IL1RAPL2: variants seen among roughly 807,000 people sequenced by gnomAD.
The protein encoded by IL1RAPL2 is interleukin 1 receptor accessory protein like 2, also known as X-linked interleukin-1 receptor accessory protein-like 2.
A neutral mutation model predicts 44.1 loss-of-function variants in IL1RAPL2; 3 were observed. That is an observed-to-expected ratio of 0.07 (90% CI 0.03 to 0.18). The LOEUF (loss-of-function observed/expected upper bound fraction) is 0.18, where lower values mean the gene tolerates loss of function less well. IL1RAPL2 is among the 10% of genes least tolerant of loss of function. IL1RAPL2 has a pLI of 1.00. For synonymous variants in IL1RAPL2, 181 were observed against 178.8 expected, an observed-to-expected ratio of 1.01 and a Z score of -0.10; for missense variants, 391 against 496.4, an observed-to-expected ratio of 0.79 and a Z score of 2.02.
At chrX:105,578,536 A>T (rs1052045661) in intron 6 of IL1RAPL2, among the ~76,000 whole-genome samples, 1 of 111,412 alleles carries the variant, frequency 9.0e-6, no homozygotes, top group Non-Finnish European at 1.9e-5. Flanking sequence ...TCTGAATACC[A>T]AAGATAAGGA....
intron 6 of IL1RAPL2, among the ~76,000 whole-genome samples, chrX:105,507,666 C>T (rs974306524): frequency 9.0e-6 from 1 of 111,457 alleles, no homozygotes; most frequent in African/African-American, 3.3e-5. Flanking sequence ...TTTATCAATC[C>T]TACTCTTGAA....
In IL1RAPL2 at chrX:104,672,562, T is replaced by G. The variant is rs779468807; in HGVS notation, c.82+13567T>G. Among the ~76,000 whole-genome samples, 6 of 103,478 alleles carry G rather than the reference T, an allele frequency of 5.8e-5. No homozygotes were observed. In the South Asian group the frequency reaches 1.9e-3, roughly 33 times the overall value. 89.9% of individuals were successfully genotyped at this position (103,478 alleles called of 115,157 possible). A position where few individuals can be genotyped will look rare whatever the true frequency, so the allele number is the denominator to read the frequency against. On this transcript the variant is annotated intron_variant, in intron 2 of 10. Transcript: ENST00000372582. Reference sequence around the variant, plus strand: ...AATAATGCCGCAATAAACATACGTGTGCATGTGTCTTTATAGCAGCATGAT... The same window carrying G: ...AATAATGCCGCAATAAACATACGTGGGCATGTGTCTTTATAGCAGCATGAT...
intron 2 of IL1RAPL2, among the ~76,000 whole-genome samples, chrX:104,815,743 C>T (rs1921115006): frequency 9.1e-6 from 1 of 109,935 alleles, no homozygotes; most frequent in African/African-American, 3.3e-5. Context: ...TTAAACTTAC[C>T]CTTCTTTTCC....
intron 5 of IL1RAPL2, among the ~76,000 whole-genome samples, chrX:105,301,201 T>C (rs2034694942): frequency 8.9e-6 from 1 of 111,915 alleles, no homozygotes; most frequent in South Asian, 3.7e-4. Context: ...TTTGGTTTGA[T>C]TATTTGCATA....
At chrX:105,199,135 G>A (rs1362041479) in intron 3 of IL1RAPL2, among the ~76,000 whole-genome samples, 1 of 110,486 alleles carries the variant, frequency 9.1e-6, no homozygotes, top group African/African-American at 3.3e-5. Context: ...TTACTTATGT[G>A]TTCCATCATT....
At chrX:105,124,625 T>C (rs907632023) in intron 2 of IL1RAPL2, among the ~76,000 whole-genome samples, 1 of 110,739 alleles carries the variant, frequency 9.0e-6, no homozygotes, top group Non-Finnish European at 1.9e-5. Flanking sequence ...GGAATTTCCC[T>C]TAATGACATT....
chrX:104,785,445 C>A (rs896342674), intron 2 of IL1RAPL2, among the ~76,000 whole-genome samples: 2 of 111,562 alleles, frequency 1.8e-5, no homozygotes, highest in African/African-American at 6.5e-5. Flanking sequence ...GGTATAACAC[C>A]CCCATGTTAA....
intron 2 of IL1RAPL2, among the ~76,000 whole-genome samples, chrX:104,971,081 G>A (rs1358392582): frequency 8.9e-6 from 1 of 112,077 alleles, no homozygotes; most frequent in Non-Finnish European, 1.9e-5. Flanking sequence ...GGCATGGTGG[G>A]TGACACCTGT....
chrX:104,688,332 C>T (rs748131845), intron 2 of IL1RAPL2, among the ~76,000 whole-genome samples: 1 of 111,404 alleles, frequency 9.0e-6, no homozygotes, highest in Non-Finnish European at 1.9e-5. Context: ...TTATCAGGGC[C>T]TTTGATATGT....
chrX:105,437,025 GTA>G (rs71694806), intron 5 of IL1RAPL2, among the ~76,000 whole-genome samples: 557 of 90,883 alleles, frequency 6.1e-3, no homozygotes, highest in Middle Eastern at 0.019. Context: ...AAATATAAAC[GTA>G]TATATATATA....
intron 2 of IL1RAPL2, among the ~76,000 whole-genome samples, chrX:104,898,760 TC>T (rs1177486019): frequency 8.9e-6 from 1 of 112,475 alleles, no homozygotes; most frequent in East Asian, 2.8e-4. Context: ...CTGAACATTT[TC>T]TTTTGTTTCT....
At chrX:104,630,764 G>A (rs1929625977) in intron 1 of IL1RAPL2, among the ~76,000 whole-genome samples, 1 of 109,837 alleles carries the variant, frequency 9.1e-6, no homozygotes, top group Non-Finnish European at 1.9e-5. Context: ...TTTTAACAAT[G>A]TTAATTATTC....
intron 5 of IL1RAPL2, among the ~76,000 whole-genome samples, chrX:105,460,608 C>T (rs1470467944): frequency 8.1e-5 from 9 of 111,345 alleles, no homozygotes; most frequent in African/African-American, 2.6e-4. Flanking sequence ...GTGTAATGAG[C>T]TTCTTGTAAC....
intron 1 of IL1RAPL2, among the ~76,000 whole-genome samples, chrX:104,622,617 A>AG (rs1929421484): frequency 9.0e-6 from 1 of 110,928 alleles, no homozygotes; most frequent in Admixed American, 9.7e-5. Flanking sequence ...TACTTCACTG[A>AG]GGACCAATAT....
chrX:104,684,149 C>G (rs1433330545), intron 2 of IL1RAPL2, among the ~76,000 whole-genome samples: 1 of 112,011 alleles, frequency 8.9e-6, no homozygotes, highest in Non-Finnish European at 1.9e-5. Context: ...GGGGGAAATA[C>G]ATTTGGTCTG....
intron 5 of IL1RAPL2, among the ~76,000 whole-genome samples, chrX:105,395,871 A>G (rs187385018): frequency 8.9e-6 from 1 of 112,085 alleles, no homozygotes; most frequent in Non-Finnish European, 1.9e-5. Context: ...TGCAAATTCT[A>G]AAGTTCAACA....
At chrX:105,437,123 G>C (rs912385549) in intron 5 of IL1RAPL2, among the ~76,000 whole-genome samples, 2 of 108,076 alleles carry the variant, frequency 1.9e-5, no homozygotes, top group Non-Finnish European at 3.8e-5. Flanking sequence ...TTATGTAATA[G>C]TGAGAATTCA....
intron 2 of IL1RAPL2, among the ~76,000 whole-genome samples, chrX:104,992,940 C>A (rs1278676491): frequency 9.0e-6 from 1 of 111,486 alleles, no homozygotes; most frequent in East Asian, 2.9e-4. Context: ...TTAGTACCCA[C>A]AGTTTCCTTT....
chrX:105,019,256 CCTTT>C (rs1185420119), intron 2 of IL1RAPL2, among the ~76,000 whole-genome samples: 4 of 111,227 alleles, frequency 3.6e-5, no homozygotes, highest in Middle Eastern at 4.7e-3. Flanking sequence ...TTCTTTTCTT[CCTTT>C]GTTTACAGAA....
Sources: gnomAD v4.1 joint callset for allele counts (sites outside exome capture counted in the v4.1 genomes callset) on GRCh38, gnomAD v4.1.1 for gene constraint, MANE v1.5 for transcripts, NCBI Gene and HGNC (gene_info 2026-07-23, HGNC 2026-07-21) for gene names.